Variants in PPP4R3A observed in about 807,000 individuals in gnomAD.
PPP4R3A encodes serine/threonine-protein phosphatase 4 regulatory subunit 3A.
A neutral mutation model predicts 91.7 loss-of-function variants in PPP4R3A; 15 were observed. The observed-to-expected ratio is 0.16, with a 90% CI of 0.11 to 0.25. The LOEUF is 0.25. Ranked by LOEUF, PPP4R3A falls within the 10% of genes least tolerant of loss-of-function variation. The pLI, the probability that PPP4R3A is intolerant of heterozygous loss-of-function variation, is 1.00. For missense variants in PPP4R3A, 623 were observed against 998.4 expected (o/e 0.62, Z 5.07); for synonymous variants, 377 against 348.7 (o/e 1.08, Z -0.91).
intron 11 of PPP4R3A, 135 bp from the exon 12 acceptor site, chr14:91,463,012 A>G (rs1159336813): frequency 2.7e-6 from 2 of 732,394 alleles, no homozygotes; most frequent in African/African-American, 1.8e-5. Context: ...ATAACCAAAC[A>G]ATAAAAAATG....
chr14:91,507,516 ATATAC>A (rs1566660779), intron 1 of PPP4R3A, among the ~76,000 whole-genome samples: 125 of 137,970 alleles, frequency 9.1e-4, no homozygotes, highest in African/African-American at 3.2e-3. Context: ...CTATAATTAT[ATATAC>A]TATAGTTATA....
chr14:91,468,619 G>A (rs575521505), intron 10 of PPP4R3A, among the ~76,000 whole-genome samples: 1 of 122,502 alleles, frequency 8.2e-6, no homozygotes, highest in East Asian at 2.9e-4. Context: ...AGTGAGCCGA[G>A]ATCGTACCAC....
chr14:91,495,229 C>A (rs1335063599), intron 1 of PPP4R3A, among the ~76,000 whole-genome samples: 1 of 151,274 alleles, frequency 6.6e-6, no homozygotes, highest in Non-Finnish European at 1.5e-5. Flanking sequence ...TAACACATTA[C>A]AATATGTATA....
chr14:91,483,129 A>G (rs1266720979), intron 3 of PPP4R3A, among the ~76,000 whole-genome samples: 1 of 152,186 alleles, frequency 6.6e-6, no homozygotes, highest in Non-Finnish European at 1.5e-5. Flanking sequence ...TTTGGTAACA[A>G]AAGGTCAAGG....
chr14:91,470,828 AAC>A lies in PPP4R3A; in HGVS notation c.1660+7_1660+8del, dbSNP rs775005496. 1.1e-5 allele frequency: 17 copies of A among 1,600,770 alleles called. No homozygotes were observed. In the African/African-American group the frequency reaches 1.5e-4, roughly 14 times the overall value. On this transcript the variant is annotated splice_region_variant and intron_variant, in intron 10 of 14. Transcript: ENST00000554943. ...ATATACAAAGATGATAAATAATTCT[AAC>A]ACTTACATAATGCCAAGAAAGCATG...
chr14:91,507,602 C>A (rs1465228035), intron 1 of PPP4R3A, among the ~76,000 whole-genome samples: 1 of 41,854 alleles, frequency 2.4e-5, no homozygotes, highest in African/African-American at 1.0e-4. Flanking sequence ...ACATGTTATA[C>A]ATACTATAGT....
intron 10 of PPP4R3A, 83 bp from the exon 11 acceptor site, chr14:91,465,502 C>CAA: frequency 7.8e-7 from 1 of 1,279,958 alleles, no homozygotes; most frequent in Non-Finnish European, 1.0e-6. Flanking sequence ...ACCATCAAAC[C>CAA]AAAAAAAACT....
chr14:91,475,193 A>G (rs538036971), intron 7 of PPP4R3A: 1 of 152,272 alleles, frequency 6.6e-6, no homozygotes, highest in South Asian at 2.1e-4. Context: ...AATCAGAATC[A>G]TTGGTTCAAT....
chr14:91,489,217 C>T (rs1207442460), intron 2 of PPP4R3A, among the ~76,000 whole-genome samples: 1 of 152,070 alleles, frequency 6.6e-6, no homozygotes, highest in East Asian at 1.9e-4. Flanking sequence ...GGTACTACTT[C>T]TTAGTGATGA....
intron 14 of PPP4R3A, among the ~76,000 whole-genome samples, chr14:91,459,520 A>T (rs927419607): frequency 3.6e-5 from 5 of 137,598 alleles, no homozygotes; most frequent in African/African-American, 1.2e-4. Context: ...TTTTAAACAT[A>T]AAGTCTAAAA....
intron 14 of PPP4R3A, among the ~76,000 whole-genome samples, chr14:91,461,156 A>AAGT (rs1834576637): frequency 6.6e-6 from 1 of 152,182 alleles, no homozygotes; most frequent in East Asian, 1.9e-4. Flanking sequence ...CAAAATACCC[A>AAGT]AGTGAGAATT....
At position 91,461,435 on chromosome 14, in the gene PPP4R3A, G is replaced by T. The variant is rs1460235412; in HGVS notation, c.2337C>A (p.Gly779=). ...TATTTTTAGGTACGGATCCAGGAGA[G>T]CCTGGAGATCCTGGGGATCCAGGTG... ...PGSPGSPGSP[G]SPGSVPKNTS... The change falls in exon 14 of 15, where the codon GGC becomes GGA. Residue 779 remains glycine (G), a synonymous_variant. Coordinates refer to ENST00000554943, the MANE Select transcript of PPP4R3A (RefSeq NM_001366432.2). 6.2e-7 allele frequency: 1 copy of T among 1,614,074 alleles called. No homozygotes were observed. The highest frequency in any genetic ancestry group is 1.7e-5 in the Admixed American group (1 of 60,024).
chr14:91,457,914 CTA>C lies in PPP4R3A; in HGVS notation c.*843_*844del, dbSNP rs1021302421. 1 of 152,456 alleles carries C rather than the reference CTA, an allele frequency of 6.6e-6. No individual in the cohort carries two copies. The highest frequency in any genetic ancestry group is 1.5e-5 in the Non-Finnish European group (1 of 67,996). The allele number at this position is 152,456 out of a possible 1,614,324, so 9.4% of individuals were successfully genotyped here. ...ATTACTTTGCTTTTGTCAATAAAAA[CTA>C]TACCATCTTTCATAAAACTCTAAAC... On this transcript the variant is annotated 3_prime_UTR_variant, in exon 15 of 15. Transcript: ENST00000554943.
chr14:91,505,069 A>T (rs1400434953), intron 1 of PPP4R3A, among the ~76,000 whole-genome samples: 1 of 152,204 alleles, frequency 6.6e-6, no homozygotes, highest in African/African-American at 2.4e-5. Flanking sequence ...GTTTAAAATG[A>T]ATTGCCTGAA....
intron 1 of PPP4R3A, among the ~76,000 whole-genome samples, chr14:91,508,302 G>A (rs1193730086): frequency 6.6e-6 from 1 of 152,158 alleles, no homozygotes; most frequent in Non-Finnish European, 1.5e-5. Flanking sequence ...AATTTAAATA[G>A]AACATCAATA....
chr14:91,473,558 A>G (rs535175845), intron 7 of PPP4R3A, among the ~76,000 whole-genome samples, 188 bp from the exon 8 acceptor site: 1 of 152,354 alleles, frequency 6.6e-6, no homozygotes, highest in African/African-American at 2.4e-5. Flanking sequence ...TGGTACAGGG[A>G]CATAGCCCTA....
chr14:91,462,376 AT>A, intron 12 of PPP4R3A, 137 bp from the exon 13 acceptor site: 1 of 930,354 alleles, frequency 1.1e-6, no homozygotes, highest in Non-Finnish European at 1.5e-6. Context: ...AAATCCAGGT[AT>A]TTAGATTAAT....
intron 9 of PPP4R3A, 37 bp downstream of exon 9, chr14:91,472,996 G>A (rs1317655608): frequency 6.3e-7 from 1 of 1,588,336 alleles, no homozygotes; most frequent in Admixed American, 1.7e-5. Context: ...CAGCATTCAA[G>A]AACAGAGAAC....
intron 14 of PPP4R3A, among the ~76,000 whole-genome samples, chr14:91,460,329 C>A (rs1465351874): frequency 6.6e-6 from 1 of 151,580 alleles, no homozygotes; most frequent in African/African-American, 2.4e-5. Context: ...TGCTTTATTT[C>A]GATGCTAAGG....
Sources: allele counts gnomAD v4.1 joint callset (sites outside exome capture counted in the v4.1 genomes callset), GRCh38; gene constraint gnomAD v4.1.1; transcripts MANE v1.5; gene names NCBI Gene and HGNC (gene_info 2026-07-23, HGNC 2026-07-21).